The following CNIH3 variants were observed in gnomAD, a reference collection of about 807,000 sequenced individuals.
CNIH3 encodes the protein protein cornichon homolog 3.
Under a neutral mutation model 24.1 loss-of-function variants are expected in CNIH3, and 14 were observed. The observed-to-expected ratio is 0.58, with a 90% CI of 0.38 to 0.91. The LOEUF (loss-of-function observed/expected upper bound fraction) is 0.91, where lower values mean the gene tolerates loss of function less well. Ranked by LOEUF, CNIH3 falls within the 40% of genes least tolerant of loss-of-function variation. The probability of loss-of-function intolerance (pLI) is 0.00; values close to 1 mark genes in which losing one functional copy is unlikely to be tolerated. For synonymous variants in CNIH3, 68 were observed against 73.8 expected (o/e 0.92, Z 0.40); for missense variants, 178 against 196.8 (o/e 0.90, Z 0.57).
chr1:224,495,563 C>A (rs1269991791), intron 1 of CNIH3, among the ~76,000 whole-genome samples: 1 of 152,186 alleles, frequency 6.6e-6, no homozygotes, highest in Admixed American at 6.5e-5. Context: ...GAATGAATCA[C>A]TCCATAGATG....
intron 2 of CNIH3, among the ~76,000 whole-genome samples, chr1:224,522,267 A>G (rs968684820): frequency 6.6e-6 from 1 of 152,228 alleles, no homozygotes; most frequent in East Asian, 1.9e-4. Context: ...GGTAACTGAG[A>G]GCCAGACAAC....
chr1:224,479,906 C>G (rs1449271702), intron 1 of CNIH3, among the ~76,000 whole-genome samples: 2 of 152,162 alleles, frequency 1.3e-5, no homozygotes, highest in Non-Finnish European at 2.9e-5. Context: ...ATTTGGGGGT[C>G]TGGAGGACAG....
chr1:224,459,682 T>C (rs1675827137), intron 1 of CNIH3, among the ~76,000 whole-genome samples: 1 of 151,976 alleles, frequency 6.6e-6, no homozygotes, highest in Non-Finnish European at 1.5e-5. Flanking sequence ...CGTTTAAATA[T>C]GGGGGTAGCG....
intron 1 of CNIH3, among the ~76,000 whole-genome samples, chr1:224,481,184 C>T (rs1017605701): frequency 6.6e-6 from 1 of 152,184 alleles, no homozygotes; most frequent in East Asian, 1.9e-4. Flanking sequence ...ATGAGACTTA[C>T]TCACTATCAT....
chr1:224,451,126 G>C (rs1178976087), intron 1 of CNIH3, among the ~76,000 whole-genome samples: 1 of 152,184 alleles, frequency 6.6e-6, no homozygotes, highest in Non-Finnish European at 1.5e-5. Context: ...GGGTATGGCC[G>C]AGGGTTATGT....
intron 1 of CNIH3, among the ~76,000 whole-genome samples, chr1:224,463,577 T>C (rs1676019741): frequency 6.6e-6 from 1 of 151,426 alleles, no homozygotes; most frequent in South Asian, 2.1e-4. Context: ...CGGCTAATTT[T>C]GTATTTTTTA....
chr1:224,686,511 G>A (rs890069319), intron 3 of CNIH3, among the ~76,000 whole-genome samples: 1 of 152,026 alleles, frequency 6.6e-6, no homozygotes, highest in Non-Finnish European at 1.5e-5. Flanking sequence ...TAATCCTTTG[G>A]GTATATGCCC....
rs199662013 is a variant in CNIH3, at chr1:224,739,376, A to G, written c.*20A>G. ...TCTTAACGCAAAGACCATGCACATC[A>G]TCAGAGACTGAGATGGGAGAGGCCT... is the stretch of plus-strand genomic sequence containing the variant. On this transcript the variant is annotated 3_prime_UTR_variant, in exon 6 of 6. Transcript: ENST00000272133. 27 of 1,588,638 alleles carry G rather than the reference A, an allele frequency of 1.7e-5. No individual in the cohort carries two copies. In the African/African-American group the frequency reaches 3.5e-4, roughly 20 times the overall value.
At chr1:224,464,825 T>G (rs1480822624) in intron 1 of CNIH3, among the ~76,000 whole-genome samples, 1 of 152,220 alleles carries the variant, frequency 6.6e-6, no homozygotes, top group Non-Finnish European at 1.5e-5. Context: ...AGACAGGGTC[T>G]TGCTCTATTG....
chr1:224,567,100 G>A (rs1680612189), intron 4 of CNIH3, among the ~76,000 whole-genome samples: 3 of 152,112 alleles, frequency 2.0e-5, no homozygotes, highest in South Asian at 2.1e-4. Context: ...GTTTTGATTT[G>A]CATTTCTCTA....
chr1:224,442,420 T>C (rs1558460691), intron 1 of CNIH3, among the ~76,000 whole-genome samples: 2 of 152,240 alleles, frequency 1.3e-5, no homozygotes, highest in Non-Finnish European at 2.9e-5. Flanking sequence ...AATGTCTTTT[T>C]CTCTGTCCCC....
chr1:224,518,471 G>A (rs1218017676), intron 1 of CNIH3, among the ~76,000 whole-genome samples: 1 of 151,648 alleles, frequency 6.6e-6, no homozygotes, highest in African/African-American at 2.4e-5. Context: ...CTACAGGCAT[G>A]CACCAACACA....
chr1:224,661,437 T>A (rs59459595), intron 1 of CNIH3: 2,889 of 236,646 alleles, frequency 0.012, 81 homozygotes, highest in African/African-American at 0.062. Context: ...GAAAATCCAC[T>A]TCCAAGGTAT....
chr1:224,494,102 A>G (rs1331008128), intron 1 of CNIH3, among the ~76,000 whole-genome samples: 2 of 152,210 alleles, frequency 1.3e-5, no homozygotes, highest in Non-Finnish European at 1.5e-5. Flanking sequence ...CGATTTTTAA[A>G]TATGTCTTAT....
chr1:224,459,147 TC>T, intron 1 of CNIH3: 1 of 919,236 alleles, frequency 1.1e-6, no homozygotes. Flanking sequence ...TTCTAGGACA[TC>T]CAGGGCCCCT....
chr1:224,503,678 G>A (rs961166229), intron 1 of CNIH3, among the ~76,000 whole-genome samples: 7 of 152,228 alleles, frequency 4.6e-5, no homozygotes, highest in African/African-American at 1.7e-4. Context: ...AGCAAGGGGA[G>A]GTGGAGTGTG....
intron 1 of CNIH3, among the ~76,000 whole-genome samples, chr1:224,483,893 G>T (rs1262829740): frequency 1.3e-5 from 2 of 152,076 alleles, no homozygotes; most frequent in Non-Finnish European, 2.9e-5. Context: ...TCCCTTGGCT[G>T]GGTGCGTTGG....
chr1:224,700,051 T>C (rs991296488), intron 3 of CNIH3, among the ~76,000 whole-genome samples: 3 of 152,166 alleles, frequency 2.0e-5, no homozygotes. Flanking sequence ...GCCACTGCAC[T>C]GTAGGAAGGC....
chr1:224,580,001 T>A (rs1444143160), intron 4 of CNIH3, among the ~76,000 whole-genome samples: 5 of 151,774 alleles, frequency 3.3e-5, no homozygotes, highest in African/African-American at 1.2e-4. Context: ...TGGTGGGGAG[T>A]GTCTCGAAAT....
Sources: allele counts gnomAD v4.1 joint callset (sites outside exome capture counted in the v4.1 genomes callset), GRCh38; gene constraint gnomAD v4.1.1; transcripts MANE v1.5; gene names NCBI Gene and HGNC (gene_info 2026-07-23, HGNC 2026-07-21).